SKAP1: variants seen among roughly 807,000 people sequenced by gnomAD.
The protein encoded by SKAP1 is src kinase-associated phosphoprotein 1.
Under a neutral mutation model 58.5 loss-of-function variants are expected in SKAP1, and 44 were observed. The ratio of observed to expected loss-of-function variants is 0.75; its 90% CI spans 0.59 to 0.97. SKAP1 has a LOEUF of 0.97. Ranked by LOEUF, SKAP1 falls within the 50% of genes least tolerant of loss-of-function variation. SKAP1 has a pLI of 0.00. For synonymous variants in SKAP1, 127 were observed against 149.7 expected (o/e 0.85, Z 1.11); for missense variants, 390 against 435.2 (o/e 0.90, Z 0.92).
intron 4 of SKAP1, among the ~76,000 whole-genome samples, chr17:48,304,504 C>A (rs1306842242): frequency 6.6e-6 from 1 of 152,156 alleles, no homozygotes; most frequent in Non-Finnish European, 1.5e-5. Context: ...AAGCTCATCT[C>A]CACTTCTAAA....
At chr17:48,171,318 C>T (rs1376674211) in intron 9 of SKAP1, among the ~76,000 whole-genome samples, 3 of 151,630 alleles carry the variant, frequency 2.0e-5, no homozygotes, top group African/African-American at 7.3e-5. Context: ...GTTGATCAGG[C>T]TGGTCTCAAA....
chr17:48,407,919 T>C (rs1267362270), intron 1 of SKAP1, among the ~76,000 whole-genome samples: 1 of 150,006 alleles, frequency 6.7e-6, no homozygotes, highest in Non-Finnish European at 1.5e-5. Flanking sequence ...AGAGCTGGAA[T>C]TTTTCAGAGG....
chr17:48,390,935 T>C (rs562433577), intron 2 of SKAP1, among the ~76,000 whole-genome samples: 1 of 152,012 alleles, frequency 6.6e-6, no homozygotes, highest in South Asian at 2.1e-4. Flanking sequence ...ATTAGCCAGG[T>C]ATGGTGGTGC....
chr17:48,426,426 C>A (rs1207558852), intron 1 of SKAP1, among the ~76,000 whole-genome samples: 1 of 152,150 alleles, frequency 6.6e-6, no homozygotes, highest in Non-Finnish European at 1.5e-5. Flanking sequence ...AAACTACGAA[C>A]CAAAGAAATA....
chr17:48,266,636 G>A (rs1057217908), intron 4 of SKAP1, among the ~76,000 whole-genome samples: 3 of 150,376 alleles, frequency 2.0e-5, no homozygotes, highest in South Asian at 2.1e-4. Context: ...TCAGCCTCCC[G>A]AGTAGCTGGG....
intron 1 of SKAP1, among the ~76,000 whole-genome samples, chr17:48,409,707 A>G (rs2067637516): frequency 6.6e-6 from 1 of 151,904 alleles, no homozygotes; most frequent in African/African-American, 2.4e-5. Flanking sequence ...CTCAAGCTAG[A>G]AAAAGATAGA....
chr17:48,133,886 A>G (rs1179735053), intron 12 of SKAP1, 70 bp from the exon 13 acceptor site: 1 of 152,230 alleles, frequency 6.6e-6, no homozygotes, highest in East Asian at 1.9e-4. Context: ...GGCACAGAGT[A>G]TAATGTTTTC....
At chr17:48,156,177 G>A (rs1338945221) in intron 11 of SKAP1, among the ~76,000 whole-genome samples, 1 of 152,218 alleles carries the variant, frequency 6.6e-6, no homozygotes, top group Non-Finnish European at 1.5e-5. Flanking sequence ...CCTATTTCAT[G>A]TTCAGGCAGA....
At chr17:48,326,609 C>G (rs138344220) in intron 4 of SKAP1, among the ~76,000 whole-genome samples, 1 of 152,246 alleles carries the variant, frequency 6.6e-6, no homozygotes, top group African/African-American at 2.4e-5. Flanking sequence ...AAGTGCTTTC[C>G]TTTTATGTTT....
intron 2 of SKAP1, among the ~76,000 whole-genome samples, chr17:48,390,943 T>C (rs2067336685): frequency 6.6e-6 from 1 of 152,054 alleles, no homozygotes; most frequent in South Asian, 2.1e-4. Flanking sequence ...GGTATGGTGG[T>C]GCACGCCTGT....
intron 4 of SKAP1, among the ~76,000 whole-genome samples, chr17:48,258,544 C>T (rs892450795): frequency 6.6e-6 from 1 of 151,988 alleles, no homozygotes; most frequent in African/African-American, 2.4e-5. Context: ...ATTACTGGTG[C>T]CGTTAAGGAA....
chr17:48,244,770 G>A (rs944651548), intron 4 of SKAP1, among the ~76,000 whole-genome samples: 6 of 152,148 alleles, frequency 3.9e-5, no homozygotes. Context: ...AAGAAGATGC[G>A]TTCACAGGGA....
intron 4 of SKAP1, among the ~76,000 whole-genome samples, chr17:48,311,436 G>C (rs1308831136): frequency 6.6e-6 from 1 of 152,084 alleles, no homozygotes; most frequent in Non-Finnish European, 1.5e-5. Flanking sequence ...AATTAGCCAG[G>C]CTGAGTGTCA....
intron 8 of SKAP1, among the ~76,000 whole-genome samples, chr17:48,180,637 C>T (rs1213014050): frequency 1.3e-5 from 2 of 152,152 alleles, no homozygotes; most frequent in Non-Finnish European, 2.9e-5. Context: ...GCTTGCAGTC[C>T]TCCAGGGTAC....
intron 3 of SKAP1, among the ~76,000 whole-genome samples, chr17:48,348,538 A>G (rs995427440): frequency 6.6e-6 from 1 of 152,070 alleles, no homozygotes; most frequent in Admixed American, 6.6e-5. Context: ...AGTTTCCCCC[A>G]ATGTCAACTT....
At chr17:48,255,859 A>T in intron 4 of SKAP1, among the ~76,000 whole-genome samples, 1 of 152,090 alleles carries the variant, frequency 6.6e-6, no homozygotes, top group East Asian at 1.9e-4. Context: ...TTGTTTTGGA[A>T]ATCTATTTTA....
Position 48,345,905 on chromosome 17 carries a change from C to T in SKAP1, c.280G>A (p.Gly94Arg). The T allele has an allele frequency of 1.9e-6, 3 of 1,603,676 alleles. No individual in the cohort carries two copies. Among genetic ancestry groups the T allele is most frequent in the South Asian group, 2.2e-5 (2 of 90,728 alleles). The change falls in exon 4 of 13, where the codon GGA (glycine) becomes AGA (arginine). Residue 94 changes from glycine (G) to arginine (R), a missense_variant and splice_region_variant. By Grantham distance (125) the Gly-to-Arg change is moderately radical (BLOSUM62 -2). Transcript: ENST00000336915. ...CAAAATCCAGAAGGATAACACTCAC[C>T]CTCATCCTGATAATCTGACAAAAAG... ...APFLSDYQDE[G>R]MEDIVKGAQE...
At chr17:48,413,117 G>A (rs557992583) in intron 1 of SKAP1, among the ~76,000 whole-genome samples, 1 of 151,302 alleles carries the variant, frequency 6.6e-6, no homozygotes, top group African/African-American at 2.4e-5. Context: ...CATATCTCTA[G>A]TATTATATGT....
chr17:48,165,379 T>TTTTCTTTC (rs143644816), intron 10 of SKAP1, among the ~76,000 whole-genome samples: 1 of 128,292 alleles, frequency 7.8e-6, no homozygotes, highest in Non-Finnish European at 1.7e-5. Flanking sequence ...CTTTCTTTTC[T>TTTTCTTTC]TTTCTTTCTT....
Sources: allele counts gnomAD v4.1 joint callset (sites outside exome capture counted in the v4.1 genomes callset), GRCh38; gene constraint gnomAD v4.1.1; transcripts MANE v1.5; gene names NCBI Gene and HGNC (gene_info 2026-07-23, HGNC 2026-07-21).